CDH13: variants seen among roughly 807,000 people sequenced by gnomAD.
CDH13 encodes the protein cadherin 13, also known as cadherin-13.
CDH13 carries 24 observed loss-of-function variants against 63.8 expected under a neutral mutation model. The observed-to-expected ratio is 0.38, with a 90% CI of 0.27 to 0.53. CDH13 has a LOEUF of 0.53. Ranked by LOEUF, CDH13 falls within the 20% of genes least tolerant of loss-of-function variation. The probability of loss-of-function intolerance (pLI) is 0.85; values close to 1 mark genes in which losing one functional copy is unlikely to be tolerated. For missense variants in CDH13, 1,049 were observed against 903.1 expected, an observed-to-expected ratio of 1.16 and a Z score of -2.07; for synonymous variants, 503 against 355.3, an observed-to-expected ratio of 1.42 and a Z score of -4.67.
chr16:83,034,159 C>T (rs1488446909), intron 3 of CDH13, among the ~76,000 whole-genome samples: 1 of 152,100 alleles, frequency 6.6e-6, no homozygotes, highest in Admixed American at 6.6e-5. Context: ...TCATGTGCCA[C>T]CCTACTGTCA....
At chr16:82,767,873 C>T (rs1293775676) in intron 1 of CDH13, among the ~76,000 whole-genome samples, 1 of 152,180 alleles carries the variant, frequency 6.6e-6, no homozygotes, top group Admixed American at 6.5e-5. Flanking sequence ...GCTCACTTAG[C>T]TTTCCAGGGA....
chr16:83,427,983 T>C (rs1006683517), intron 6 of CDH13, among the ~76,000 whole-genome samples: 9 of 152,254 alleles, frequency 5.9e-5, no homozygotes, highest in Non-Finnish European at 1.2e-4. Context: ...GGGTGATCTG[T>C]AGCTGATCCT....
intron 1 of CDH13, among the ~76,000 whole-genome samples, chr16:82,785,797 A>G (rs57519947): frequency 0.32 from 48,793 of 152,188 alleles, 8,108 homozygotes; most frequent in South Asian, 0.45. Context: ...CGCAAAAGAA[A>G]TAGCAGTCGA....
intron 9 of CDH13, among the ~76,000 whole-genome samples, chr16:83,672,784 C>T (rs145791645): frequency 2.0e-5 from 3 of 152,090 alleles, no homozygotes; most frequent in Non-Finnish European, 4.4e-5. Flanking sequence ...TTTGGGGAGG[C>T]CTGAGCTCCA....
At chr16:83,032,413 G>A (rs1223256300) in intron 3 of CDH13, 195 bp downstream of exon 3, 2 of 575,676 alleles carry the variant, frequency 3.5e-6, no homozygotes, top group Admixed American at 3.0e-5. Flanking sequence ...AACTAATTGA[G>A]GCATAGTTCG....
At chr16:83,087,180 T>G (rs1339221268) in intron 3 of CDH13, among the ~76,000 whole-genome samples, 2 of 152,212 alleles carry the variant, frequency 1.3e-5, no homozygotes, top group African/African-American at 4.8e-5. Flanking sequence ...AAATTGATTT[T>G]TTTAATTCAG....
chr16:83,516,463 CAG>C (rs1288604425), intron 7 of CDH13, among the ~76,000 whole-genome samples: 51 of 152,142 alleles, frequency 3.4e-4, no homozygotes, highest in Non-Finnish European at 6.0e-4. Context: ...GATTTTATTT[CAG>C]AGTTCTGAAA....
intron 5 of CDH13, among the ~76,000 whole-genome samples, chr16:83,330,740 C>T (rs2090463734): frequency 6.6e-6 from 1 of 152,178 alleles, no homozygotes; most frequent in Non-Finnish European, 1.5e-5. Context: ...GCGTGGGGTC[C>T]ATGACCTCAG....
chr16:83,749,179 G>A (rs186455078), intron 11 of CDH13, among the ~76,000 whole-genome samples: 38 of 152,144 alleles, frequency 2.5e-4, no homozygotes, highest in African/African-American at 8.5e-4. Flanking sequence ...ATTCAGTTTT[G>A]AGTCCTTCCA....
At chr16:83,294,596 A>T (rs994248981) in intron 5 of CDH13, among the ~76,000 whole-genome samples, 1 of 128,454 alleles carries the variant, frequency 7.8e-6, no homozygotes, top group African/African-American at 3.0e-5. Flanking sequence ...ATACATATAT[A>T]TGTGTATGTG....
At chr16:82,862,516 AAAG>A (rs1394008593) in intron 2 of CDH13, among the ~76,000 whole-genome samples, 2 of 152,186 alleles carry the variant, frequency 1.3e-5, no homozygotes, top group Non-Finnish European at 2.9e-5. Flanking sequence ...TGGTGTCCAG[AAAG>A]AAGATCCTCA....
intron 7 of CDH13, among the ~76,000 whole-genome samples, chr16:83,573,852 C>A (rs1904865875): frequency 6.6e-6 from 1 of 152,158 alleles, no homozygotes; most frequent in South Asian, 2.1e-4. Flanking sequence ...TTTGTGACAG[C>A]AACATACATG....
intron 4 of CDH13, among the ~76,000 whole-genome samples, chr16:83,125,934 G>C (rs971198868): frequency 6.6e-6 from 1 of 151,996 alleles, no homozygotes; most frequent in Non-Finnish European, 1.5e-5. Context: ...CCAGATCAAG[G>C]GAATAAAATC....
rs527555746 is a variant in CDH13 at position 83,404,020 on chromosome 16, C to G, written c.781+59014C>G. Among the ~76,000 whole-genome samples, 445 of 152,118 alleles carry G rather than the reference C, an allele frequency of 2.9e-3. 1 individual carries two copies. Among genetic ancestry groups the G allele is most frequent in the Middle Eastern group, 6.8e-3 (2 of 294 alleles). On this transcript the variant is annotated intron_variant, in intron 6 of 13. Transcript: ENST00000567109. ...GATTCAGAAATGCATTTCTTTTTTT[C>G]CAGTGTCTCTTCTACAGAATATTTT...
rs553785555 is a variant in CDH13 at position 82,876,619 on chromosome 16, C to G, written c.157+18146C>G. ...CCCTAACAAGAGGTTGGGCATTGGT[C>G]TGTGGACCACACATTTAGTGTTAAG... On this transcript the variant is annotated intron_variant, in intron 2 of 13. Coordinates refer to ENST00000567109, the MANE Select transcript of CDH13 (RefSeq NM_001257.5). 1.1e-4 allele frequency among the ~76,000 whole-genome samples: 16 copies of G among 152,310 alleles called. No homozygotes were observed. The East Asian group carries it at 2.5e-3, about 24-fold the overall frequency.
chr16:83,524,985 C>A (rs922114317), intron 7 of CDH13, among the ~76,000 whole-genome samples: 2 of 152,166 alleles, frequency 1.3e-5, no homozygotes, highest in African/African-American at 4.8e-5. Context: ...CTTGCTGTGT[C>A]AACTTGGACA....
At chr16:83,126,558 A>G (rs530046383) in intron 4 of CDH13, among the ~76,000 whole-genome samples, 1 of 152,198 alleles carries the variant, frequency 6.6e-6, no homozygotes, top group Non-Finnish European at 1.5e-5. Flanking sequence ...CAAATAAGAA[A>G]GAGATGTGAG....
At chr16:82,875,820 A>T (rs2040486714) in intron 2 of CDH13, among the ~76,000 whole-genome samples, 1 of 152,218 alleles carries the variant, frequency 6.6e-6, no homozygotes, top group East Asian at 1.9e-4. Context: ...GTTACATACG[A>T]AGCTGGTTAA....
At chr16:82,796,155 C>T (rs549757107) in intron 1 of CDH13, among the ~76,000 whole-genome samples, 4 of 152,180 alleles carry the variant, frequency 2.6e-5, no homozygotes, top group Admixed American at 6.5e-5. Flanking sequence ...AGGTTCTAGG[C>T]AGCCTCGTGG....
Sources: allele counts gnomAD v4.1 joint callset (sites outside exome capture counted in the v4.1 genomes callset), GRCh38; gene constraint gnomAD v4.1.1; transcripts MANE v1.5; gene names NCBI Gene and HGNC (gene_info 2026-07-23, HGNC 2026-07-21).